The following GLI3 variants were observed in gnomAD, a reference collection of about 807,000 sequenced individuals.
The protein encoded by GLI3 is transcription activator GLI3.
A neutral mutation model predicts 100.8 loss-of-function variants in GLI3; 20 were observed. The observed-to-expected ratio is 0.20, with a 90% CI of 0.14 to 0.29. The LOEUF is 0.29. Among genes scored for constraint, GLI3 ranks in the 10% least tolerant of loss-of-function variants. The probability of loss-of-function intolerance (pLI) is 1.00; values close to 1 mark genes in which losing one functional copy is unlikely to be tolerated. For synonymous variants in GLI3, 938 were observed against 860.5 expected (o/e 1.09, Z -1.58); for missense variants, 2,040 against 2,128.5 (o/e 0.96, Z 0.82).
chr7:42,169,309 G>A lies in GLI3; in HGVS notation c.125-20841C>T, dbSNP rs76153549. Among the ~76,000 whole-genome samples the A allele has an allele frequency of 1.4e-3, 215 of 152,116 alleles. 8 individuals are homozygous for A. In the East Asian group the frequency reaches 0.036, roughly 26 times the overall value. ...AATGTTACTCTGTATCAAAAAAGCC[G>A]CCTCAAACTGTGCATGAACAGCCAA... On this transcript the variant is annotated intron_variant, in intron 2 of 14. Coordinates refer to ENST00000395925, the MANE Select transcript of GLI3 (RefSeq NM_000168.6).
intron 4 of GLI3, among the ~76,000 whole-genome samples, chr7:42,064,413 G>C (rs898464413): frequency 1.3e-5 from 2 of 152,130 alleles, no homozygotes; most frequent in African/African-American, 4.8e-5. Flanking sequence ...AGTGCTCAAG[G>C]ATCCGGTTAA....
chr7:42,168,478 A>G (rs528609209), intron 2 of GLI3, among the ~76,000 whole-genome samples: 1 of 152,364 alleles, frequency 6.6e-6, no homozygotes, highest in African/African-American at 2.4e-5. Flanking sequence ...GGACAGATTC[A>G]TAAATTGTGA....
At chr7:42,124,301 G>T (rs1192350308) in intron 3 of GLI3, among the ~76,000 whole-genome samples, 1 of 152,146 alleles carries the variant, frequency 6.6e-6, no homozygotes, top group Non-Finnish European at 1.5e-5. Flanking sequence ...AGCTTAGCTT[G>T]TTTCTGCTGT....
chr7:42,213,562 C>T, intron 2 of GLI3, among the ~76,000 whole-genome samples: 1 of 152,144 alleles, frequency 6.6e-6, no homozygotes, highest in Admixed American at 6.5e-5. Flanking sequence ...ATGATCCTAG[C>T]TTTCTGCTCC....
chr7:42,074,896 T>C (rs2128751238), intron 4 of GLI3, among the ~76,000 whole-genome samples: 1 of 152,276 alleles, frequency 6.6e-6, no homozygotes, highest in East Asian at 1.9e-4. Flanking sequence ...GCTAGTAAAG[T>C]ATCCAAAGCC....
At chr7:42,226,115 C>T (rs1006624234) in intron 1 of GLI3, among the ~76,000 whole-genome samples, 1 of 152,194 alleles carries the variant, frequency 6.6e-6, no homozygotes. Flanking sequence ...TCCAAACACT[C>T]CATTCTTAGC....
intron 2 of GLI3, among the ~76,000 whole-genome samples, chr7:42,171,609 C>G (rs1347108010): frequency 1.3e-5 from 2 of 152,200 alleles, no homozygotes; most frequent in African/African-American, 2.4e-5. Context: ...CTACAGGACA[C>G]AGAAAATGCG....
At chr7:42,203,645 G>GT (rs902315257) in intron 2 of GLI3, among the ~76,000 whole-genome samples, 1 of 152,090 alleles carries the variant, frequency 6.6e-6, no homozygotes, top group Non-Finnish European at 1.5e-5. Flanking sequence ...GGTTGATTCT[G>GT]TATCTTGCCC....
chr7:42,245,377 T>C (rs989850391), intron 1 of GLI3, among the ~76,000 whole-genome samples: 4 of 152,186 alleles, frequency 2.6e-5, no homozygotes, highest in African/African-American at 9.7e-5. Context: ...TGCAGTTTCC[T>C]CACAGGTAAA....
In GLI3 at chr7:41,963,064, T is replaced by C. The variant is rs540303330; in HGVS notation, c.*1266A>G. The C allele has an allele frequency of 6.6e-6, 1 of 152,344 alleles. No homozygotes were observed. The highest frequency in any genetic ancestry group is 2.4e-5 in the African/African-American group (1 of 41,578). 9.4% of individuals were successfully genotyped at this position (152,344 alleles called of 1,614,324 possible). On this transcript the variant is annotated 3_prime_UTR_variant, in exon 15 of 15. Transcript: ENST00000395925. ...GGACTAACTGCATGTAACATTTAAC[T>C]TCGTGAATGGATGCAGCATTCAATA... is the stretch of plus-strand genomic sequence containing the variant.
At chr7:42,243,851 T>TGA (rs1788947142) in intron 1 of GLI3, among the ~76,000 whole-genome samples, 1 of 152,158 alleles carries the variant, frequency 6.6e-6, no homozygotes, top group African/African-American at 2.4e-5. Context: ...TGTTGTTGTT[T>TGA]GAGACAGAGT....
rs550264781 is a variant in GLI3, at chr7:41,964,064, G to GTT, written c.*264_*265dup. ...TACTAAAAAGGGGGCGGGGCTTACA[G>GTT]TTTTTTTTTTTTTTTTTAAAAAGAG... is the stretch of plus-strand genomic sequence containing the variant. On this transcript the variant is annotated 3_prime_UTR_variant, in exon 15 of 15. Coordinates refer to ENST00000395925, the MANE Select transcript of GLI3 (RefSeq NM_000168.6). 0.034 allele frequency: 7,027 copies of GTT among 204,140 alleles called. 5 individuals are homozygous for GTT. The highest frequency in any genetic ancestry group is 0.096 in the South Asian group (1,092 of 11,320). The allele number at this position is 204,140 out of a possible 1,614,324, so 12.6% of individuals were successfully genotyped here.
Position 41,965,322 on chromosome 7 carries a change from C to T in GLI3, c.3751G>A (p.Ala1251Thr). The T allele has an allele frequency of 6.2e-7, 1 of 1,613,862 alleles. No individual in the cohort carries two copies. Among genetic ancestry groups the T allele is most frequent in the Non-Finnish European group, 8.5e-7 (1 of 1,179,890 alleles). ...GNAFHEQPCK[A>T]PQYGNCLNRQ... The stretch of plus-strand genomic sequence containing the variant: ...TTGAGACAGTTCCCATACTGCGGGG[C>T]CTTACAGGGCTGTTCATGGAAGGCG... The change falls in exon 15 of 15, where the codon GCC becomes ACC. Residue 1251 changes from alanine (A) to threonine (T), a missense_variant. Coordinates refer to ENST00000395925, the MANE Select transcript of GLI3 (RefSeq NM_000168.6).
chr7:42,001,414 C>T (rs1311979880), intron 10 of GLI3, among the ~76,000 whole-genome samples: 3 of 152,126 alleles, frequency 2.0e-5, no homozygotes, highest in Admixed American at 6.5e-5. Context: ...AGCTGCAAGA[C>T]ATAGTGGCAT....
chr7:42,068,797 C>T (rs746296863), intron 4 of GLI3, among the ~76,000 whole-genome samples: 2 of 152,024 alleles, frequency 1.3e-5, no homozygotes, highest in Non-Finnish European at 2.9e-5. Flanking sequence ...GAGGGAGAGA[C>T]GGCCACATAG....
At chr7:42,120,682 G>C (rs1430649701) in intron 3 of GLI3, among the ~76,000 whole-genome samples, 1 of 152,182 alleles carries the variant, frequency 6.6e-6, no homozygotes, top group East Asian at 1.9e-4. Context: ...ATATAAGGAA[G>C]AAGCTGAAAT....
chr7:42,191,219 T>C (rs950957575), intron 2 of GLI3, among the ~76,000 whole-genome samples: 2 of 152,126 alleles, frequency 1.3e-5, no homozygotes, highest in African/African-American at 2.4e-5. Flanking sequence ...AGAAAAACGA[T>C]AAGACAAATA....
In GLI3 at chr7:41,966,682, C is replaced by G; in HGVS notation, c.2432-41G>C. The G allele has an allele frequency of 6.2e-7, 1 of 1,607,428 alleles. No individual in the cohort carries two copies. The highest frequency in any genetic ancestry group is 1.1e-5 in the South Asian group (1 of 90,820). On this transcript the variant is annotated intron_variant, in intron 14 of 14. Transcript: ENST00000395925. This position sits in a 1 kb window ranked among gnomAD's most constrained non-coding sequence, Gnocchi z 5.8. ...GGGAGAGACCATGCGGAGATGAATT[C>G]CCTTCGAGCATGACTTACACCAGGC...
At chr7:42,022,868 G>A (rs753240021) in intron 10 of GLI3, among the ~76,000 whole-genome samples, 2 of 152,138 alleles carry the variant, frequency 1.3e-5, no homozygotes, top group Admixed American at 6.5e-5. Flanking sequence ...AGGAGGTGTG[G>A]TTCTCAATCT....
Sources: allele counts gnomAD v4.1 joint callset (sites outside exome capture counted in the v4.1 genomes callset), GRCh38; gene constraint gnomAD v4.1.1; non-coding constraint Gnocchi (gnomAD v3.1); transcripts MANE v1.5; gene names NCBI Gene and HGNC (gene_info 2026-07-23, HGNC 2026-07-21).